Variants in MORF4L1 observed in about 807,000 individuals in gnomAD.
MORF4L1 encodes the protein mortality factor 4-like protein 1.
MORF4L1 carries 4 observed loss-of-function variants against 52.9 expected under a neutral mutation model. The ratio of observed to expected loss-of-function variants is 0.08; its 90% CI spans 0.04 to 0.17. The LOEUF (loss-of-function observed/expected upper bound fraction) is 0.17, where lower values mean the gene tolerates loss of function less well. Ranked by LOEUF, MORF4L1 falls within the 10% of genes least tolerant of loss-of-function variation. The pLI is 1.00. For synonymous variants in MORF4L1, 123 were observed against 134.8 expected, an observed-to-expected ratio of 0.91 and a Z score of 0.61; for missense variants, 214 against 390.4, an observed-to-expected ratio of 0.55 and a Z score of 3.81.
chr15:78,887,432 T>A lies in MORF4L1; in HGVS notation c.323+83T>A, dbSNP rs1053335882. On this transcript the variant is annotated intron_variant, in intron 5 of 11. Coordinates refer to ENST00000426013, the MANE Select transcript of MORF4L1 (RefSeq NM_006791.4). ...CATTGTGTGTTAGACTGTGTTGAAG[T>A]GGAAACTTTGGAACATTGTTGGAAC... The A allele has an allele frequency of 8.5e-6, 10 of 1,172,198 alleles. No individual in the cohort carries two copies. In the Middle Eastern group the frequency reaches 6.0e-4, roughly 70 times the overall value. The allele number at this position is 1,172,198 out of a possible 1,614,324, so 72.6% of individuals were successfully genotyped here.
rs941811356 is a variant in MORF4L1, at chr15:78,877,120, T to A, written c.41-1093T>A. Among the ~76,000 whole-genome samples the A allele has an allele frequency of 7.8e-3, 1,087 of 138,634 alleles. 20 individuals are homozygous for A. Among genetic ancestry groups the A allele is most frequent in the African/African-American group, 0.029 (1,032 of 36,108 alleles). The allele number at this position is 138,634 out of a possible 152,430, so 90.9% of individuals were successfully genotyped here. On this transcript the variant is annotated intron_variant, in intron 1 of 11. Coordinates refer to ENST00000426013, the MANE Select transcript of MORF4L1 (RefSeq NM_006791.4). ...CATCACCACGCCCGGCTGATTTTTT[T>A]TTTTTTTTTTTTTTTTTTTTGAGAG...
intron 11 of MORF4L1, 80 bp downstream of exon 11, chr15:78,894,984 A>G: frequency 9.0e-7 from 1 of 1,114,554 alleles, no homozygotes; most frequent in South Asian, 1.3e-5. Context: ...AGATGCTAAA[A>G]CATTAAACAT....
At chr15:78,879,989 T>A (rs1426895807) in intron 2 of MORF4L1, among the ~76,000 whole-genome samples, 1 of 152,244 alleles carries the variant, frequency 6.6e-6, no homozygotes, top group Non-Finnish European at 1.5e-5. Context: ...CAAAACCAGA[T>A]AGTCATCACT....
At chr15:78,873,324 ATTG>A (rs1337713693) in intron 1 of MORF4L1, 10 of 1,029,056 alleles carry the variant, frequency 9.7e-6, no homozygotes, top group South Asian at 1.8e-5. Flanking sequence ...AGTGTTTGTT[ATTG>A]TTCTGAGGAA....
chr15:78,874,419 C>G (rs1567295416), intron 1 of MORF4L1, among the ~76,000 whole-genome samples: 2 of 152,242 alleles, frequency 1.3e-5, no homozygotes, highest in East Asian at 3.9e-4. Context: ...GTCACCCAGG[C>G]TGTAGTGCAG....
At chr15:78,882,360 T>C (rs1596243167) in intron 3 of MORF4L1, among the ~76,000 whole-genome samples, 1 of 139,340 alleles carries the variant, frequency 7.2e-6, no homozygotes, top group African/African-American at 2.8e-5. Flanking sequence ...TGATAGGTAA[T>C]ATTTAATAAT....
chr15:78,873,164 G>A, intron 1 of MORF4L1, 107 bp downstream of exon 1: 1 of 1,536,472 alleles, frequency 6.5e-7, no homozygotes, highest in African/African-American at 1.4e-5. Flanking sequence ...TGCGCCCTGA[G>A]AAGGCGGCGG....
intron 2 of MORF4L1, among the ~76,000 whole-genome samples, chr15:78,879,673 C>T (rs1323302282): frequency 6.6e-6 from 1 of 151,378 alleles, no homozygotes; most frequent in Admixed American, 6.6e-5. Flanking sequence ...CTGTGACGTA[C>T]AAGCCTGTAA....
In MORF4L1 at chr15:78,891,028, C is replaced by T. The variant is rs781524979; in HGVS notation, c.349+14C>T. ...ACAAACAGAAAAGTAAGAATATTAA[C>T]TTTCTTAACGTTAATTTATGTTACC... On this transcript the variant is annotated intron_variant, in intron 6 of 11. Coordinates refer to ENST00000426013, the MANE Select transcript of MORF4L1 (RefSeq NM_006791.4). 1.3e-5 allele frequency: 19 copies of T among 1,470,372 alleles called. No homozygotes were observed. Among genetic ancestry groups the T allele is most frequent in the Non-Finnish European group, 1.7e-5 (18 of 1,087,468 alleles). 91.1% of individuals were successfully genotyped at this position (1,470,372 alleles called of 1,614,324 possible).
intron 1 of MORF4L1, chr15:78,873,854 G>A (rs74556278): frequency 6.6e-6 from 1 of 152,382 alleles, no homozygotes; most frequent in Non-Finnish European, 1.5e-5. Flanking sequence ...GTGAGCTCTC[G>A]CTTTGCAGTT....
intron 1 of MORF4L1, 134 bp from the exon 2 acceptor site, chr15:78,878,079 T>G: frequency 1.4e-6 from 1 of 709,108 alleles, no homozygotes; most frequent in Non-Finnish European, 2.2e-6. Flanking sequence ...GCCAAAGTGG[T>G]GCTCTGTATA....
At chr15:78,873,272 G>A in intron 1 of MORF4L1, 1 of 1,441,826 alleles carries the variant, frequency 6.9e-7, no homozygotes, top group South Asian at 1.4e-5. Context: ...GCAGGCGTTA[G>A]AGTGGGAGAG....
At chr15:78,891,417 G>C (rs982208500) in intron 6 of MORF4L1, 67 bp from the exon 7 acceptor site, 13 of 1,181,022 alleles carry the variant, frequency 1.1e-5, no homozygotes, top group African/African-American at 1.5e-5. Context: ...AATGTGTCAA[G>C]AGACTATTTT....
At chr15:78,886,042 A>C in intron 3 of MORF4L1, 99 bp from the exon 4 acceptor site, 1 of 834,330 alleles carries the variant, frequency 1.2e-6, no homozygotes, top group Non-Finnish European at 2.0e-6. Flanking sequence ...CCAGTTCATC[A>C]AATTACTTAA....
chr15:78,885,606 G>A (rs2056688319), intron 3 of MORF4L1, among the ~76,000 whole-genome samples: 1 of 152,192 alleles, frequency 6.6e-6, no homozygotes, highest in African/African-American at 2.4e-5. Flanking sequence ...ATATGTTTCT[G>A]ACATACCTTT....
chr15:78,897,865 G>A lies in MORF4L1; in HGVS notation c.*798G>A, dbSNP rs2056915826. 2.0e-5 allele frequency: 3 copies of A among 152,506 alleles called. No individual in the cohort carries two copies. Among genetic ancestry groups the A allele is most frequent in the Admixed American group, 2.0e-4 (3 of 15,286 alleles). 9.4% of individuals were successfully genotyped at this position (152,506 alleles called of 1,614,324 possible). On this transcript the variant is annotated 3_prime_UTR_variant, in exon 12 of 12. Coordinates refer to ENST00000426013, the MANE Select transcript of MORF4L1 (RefSeq NM_006791.4). ...GGCCTTTATGGAATGAGACGCTTTAGCTTTGGTACGTAGCGCTAATCCATA... is the reference window on the plus strand; with the variant it reads ...GGCCTTTATGGAATGAGACGCTTTAACTTTGGTACGTAGCGCTAATCCATA...
At chr15:78,890,429 T>C (rs1177376244) in intron 5 of MORF4L1, among the ~76,000 whole-genome samples, 1 of 151,822 alleles carries the variant, frequency 6.6e-6, no homozygotes, top group Non-Finnish European at 1.5e-5. Flanking sequence ...CTATAACATA[T>C]ATTAATATAA....
At chr15:78,873,743 G>GA (rs138883484) in intron 1 of MORF4L1, 4,339 of 150,270 alleles carry the variant, frequency 0.029, 238 homozygotes, top group African/African-American at 0.1. Flanking sequence ...GGTGGGGACA[G>GA]AAAAAAAAAA....
chr15:78,883,211 GAAA>G lies in MORF4L1; in HGVS notation c.155+2645_155+2647del, dbSNP rs5813942. ...GCCTAGGCGACAGAGTGAGACTCAG[GAAA>G]AAAAAAAAAAAAGCGATTGAACACA... On this transcript the variant is annotated intron_variant, in intron 3 of 11. Transcript: ENST00000426013. Among the ~76,000 whole-genome samples, 15 of 136,280 alleles carry G rather than the reference GAAA, an allele frequency of 1.1e-4. 1 individual carries two copies. The highest frequency in any genetic ancestry group is 6.2e-4 in the East Asian group (3 of 4,838). 89.4% of individuals were successfully genotyped at this position (136,280 alleles called of 152,430 possible). A position where few individuals can be genotyped will look rare whatever the true frequency, so the allele number is the denominator to read the frequency against.
Sources: allele counts gnomAD v4.1 joint callset (sites outside exome capture counted in the v4.1 genomes callset), GRCh38; gene constraint gnomAD v4.1.1; transcripts MANE v1.5; gene names NCBI Gene and HGNC (gene_info 2026-07-23, HGNC 2026-07-21).